EZR: variants seen among roughly 807,000 people sequenced by gnomAD.
EZR encodes the protein cytovillin 2.
A neutral mutation model predicts 74.8 loss-of-function variants in EZR; 40 were observed. The ratio of observed to expected loss-of-function variants is 0.53; its 90% CI spans 0.42 to 0.70. EZR has a LOEUF of 0.70. EZR is among the 30% of genes least tolerant of loss of function. The probability of loss-of-function intolerance (pLI) is 0.00; values close to 1 mark genes in which losing one functional copy is unlikely to be tolerated. For synonymous variants in EZR, 341 were observed against 283.3 expected (o/e 1.20, Z -2.05); for missense variants, 678 against 755.8 (o/e 0.90, Z 1.21).
chr6:158,816,381 G>A (rs1777554515), intron 2 of EZR, among the ~76,000 whole-genome samples: 1 of 152,198 alleles, frequency 6.6e-6, no homozygotes, highest in South Asian at 2.1e-4. Context: ...TATGAGAAAT[G>A]AGAAAGAAAA....
chr6:158,776,830 A>C (rs752545456), intron 7 of EZR, among the ~76,000 whole-genome samples: 6 of 152,082 alleles, frequency 3.9e-5, no homozygotes, highest in Non-Finnish European at 5.9e-5. Context: ...CCCCTCAGGT[A>C]TCTTCTGCTG....
At chr6:158,781,728 G>T (rs1791437796) in intron 7 of EZR, among the ~76,000 whole-genome samples, 2 of 126,160 alleles carry the variant, frequency 1.6e-5, no homozygotes, top group African/African-American at 6.7e-5. Flanking sequence ...CTCCCGGAAA[G>T]ATGGTGTCCT....
intron 5 of EZR, among the ~76,000 whole-genome samples, chr6:158,785,068 G>C (rs975710968): frequency 6.6e-6 from 1 of 152,212 alleles, no homozygotes; most frequent in Non-Finnish European, 1.5e-5. Context: ...CAGTCAGGTC[G>C]AGAAGTTTGC....
intron 7 of EZR, 147 bp downstream of exon 7, chr6:158,783,373 G>T: frequency 3.8e-6 from 1 of 266,604 alleles, no homozygotes. Context: ...GGCCACAGCA[G>T]TCCAAAAGCC....
Position 158,803,302 on chromosome 6 carries a change from A to C in EZR, c.13-13931T>G, listed in dbSNP as rs1051097497. ...GAAGTATAACTGGTAGAGTGACTCC[A>C]AATGAGTACTCGATACGAGGTATAC... On this transcript the variant is annotated intron_variant, in intron 2 of 13. Coordinates refer to ENST00000367075, the MANE Select transcript of EZR (RefSeq NM_001111077.2). Among the ~76,000 whole-genome samples, 4 of 151,514 alleles carry C rather than the reference A, an allele frequency of 2.6e-5. No homozygotes were observed. The East Asian group carries it at 5.8e-4, about 22-fold the overall frequency.
At chr6:158,796,763 G>A (rs1777081026) in intron 2 of EZR, among the ~76,000 whole-genome samples, 1 of 152,206 alleles carries the variant, frequency 6.6e-6, no homozygotes, top group Admixed American at 6.5e-5. Flanking sequence ...TGCCAACAGT[G>A]GCAGTCCAAG....
At chr6:158,767,902 A>G (rs890177520) in intron 12 of EZR, among the ~76,000 whole-genome samples, 7 of 151,934 alleles carry the variant, frequency 4.6e-5, no homozygotes, top group Non-Finnish European at 7.4e-5. Flanking sequence ...ACAGCTTCAC[A>G]CACACCCAGT....
At chr6:158,805,010 G>A (rs567103061) in intron 2 of EZR, among the ~76,000 whole-genome samples, 49 of 148,066 alleles carry the variant, frequency 3.3e-4, no homozygotes, top group African/African-American at 1.1e-3. Context: ...GAGAATATGC[G>A]GTGTTTGGTT....
chr6:158,774,897 A>T (rs1583559906), intron 8 of EZR, among the ~76,000 whole-genome samples: 1 of 151,740 alleles, frequency 6.6e-6, no homozygotes, highest in Non-Finnish European at 1.5e-5. Context: ...AGACGCTATG[A>T]CCCTCCATTC....
chr6:158,771,466 A>C, intron 8 of EZR, 59 bp from the exon 9 acceptor site: 1 of 1,519,022 alleles, frequency 6.6e-7, no homozygotes, highest in Non-Finnish European at 8.8e-7. Flanking sequence ...TTCTTCTCCA[A>C]ACCATCCTTC....
chr6:158,811,344 AAC>A, intron 2 of EZR, among the ~76,000 whole-genome samples: 1 of 150,628 alleles, frequency 6.6e-6, no homozygotes, highest in Non-Finnish European at 1.5e-5. Flanking sequence ...ATAGAGCTGA[AAC>A]ATCTAACTAC....
intron 8 of EZR, among the ~76,000 whole-genome samples, chr6:158,771,821 T>C (rs1220986338): frequency 6.6e-6 from 1 of 152,200 alleles, no homozygotes; most frequent in Non-Finnish European, 1.5e-5. Flanking sequence ...TAGCCACCTT[T>C]CATGATGTCC....
At chr6:158,793,284 C>A (rs940266587) in intron 2 of EZR, among the ~76,000 whole-genome samples, 1 of 151,914 alleles carries the variant, frequency 6.6e-6, no homozygotes, top group African/African-American at 2.4e-5. Flanking sequence ...TCTGGCACTG[C>A]AGTAATAAAA....
chr6:158,802,526 T>C (rs983648422), intron 2 of EZR, among the ~76,000 whole-genome samples: 5 of 152,204 alleles, frequency 3.3e-5, no homozygotes, highest in Admixed American at 3.3e-4. Flanking sequence ...AGGTTTTTGG[T>C]GGTAGTGTTT....
intron 8 of EZR, among the ~76,000 whole-genome samples, chr6:158,774,669 T>A (rs543690879): frequency 2.0e-3 from 145 of 73,736 alleles, no homozygotes; most frequent in African/African-American, 7.0e-3. Flanking sequence ...GGACTTATCA[T>A]CAAACACACA....
Position 158,776,418 on chromosome 6 carries a change from T to G in EZR, c.785A>C (p.Lys262Thr). 1 of 1,613,742 alleles carries G rather than the reference T, an allele frequency of 6.2e-7. No homozygotes were observed. The highest frequency in any genetic ancestry group is 8.5e-7 in the Non-Finnish European group (1 of 1,179,656). The change falls in exon 8 of 14, where the codon AAG becomes ACG. Residue 262 changes from lysine (K) to threonine (T), a missense_variant. Lys to Thr is a moderately conservative substitution (Grantham distance 78). This residue lies in a region of EZR where 119 missense variants were observed against 182.3 expected (regional missense o/e 0.65). Transcript: ENST00000367075. ...DKKFVIKPID[K>T]KAPDFVFYAP... Reference sequence around the variant, plus strand: ...TCCTTTGGAACTTACAGGTGCCTTCTTGTCGATGGGTTTAATGACAAACTT... The same window carrying G: ...TCCTTTGGAACTTACAGGTGCCTTCGTGTCGATGGGTTTAATGACAAACTT...
At chr6:158,788,650 GA>G (rs35455909) in intron 3 of EZR, among the ~76,000 whole-genome samples, 58,816 of 126,698 alleles carry the variant, frequency 0.46, 11,951 homozygotes, top group Non-Finnish European at 0.51. Flanking sequence ...CAGTCTCAAA[GA>G]AAAAAAAAAA....
chr6:158,812,645 C>A, intron 2 of EZR, among the ~76,000 whole-genome samples: 1 of 152,114 alleles, frequency 6.6e-6, no homozygotes, highest in Non-Finnish European at 1.5e-5. Context: ...TTTTGGGGGG[C>A]AGTGGATGTA....
rs148596501 is a variant in EZR at position 158,817,467 on chromosome 6, C to A, written c.12+615G>T. Among the ~76,000 whole-genome samples the A allele has an allele frequency of 1.3e-3, 202 of 152,338 alleles. No homozygotes were observed. In the South Asian group the frequency reaches 0.015, roughly 11 times the overall value. On this transcript the variant is annotated intron_variant, in intron 2 of 13. Transcript: ENST00000367075. ...GCCAGGAACCTCTTATCAAACTCCA[C>A]CGGCTGCCTGCATCTACAATTCAAG...
Sources: allele counts gnomAD v4.1 joint callset (sites outside exome capture counted in the v4.1 genomes callset), GRCh38; gene constraint gnomAD v4.1.1; regional missense constraint gnomAD v4.1.1; transcripts MANE v1.5; gene names NCBI Gene and HGNC (gene_info 2026-07-23, HGNC 2026-07-21).